The following PITPNM2 variants were observed in gnomAD, a reference collection of about 807,000 sequenced individuals.
The protein encoded by PITPNM2 is phosphatidylinositol transfer protein membrane associated 2.
A neutral mutation model predicts 132.2 loss-of-function variants in PITPNM2; 35 were observed. The observed-to-expected ratio is 0.26, with a 90% CI of 0.20 to 0.35. PITPNM2 has a LOEUF of 0.35. Among genes scored for constraint, PITPNM2 ranks in the 10% least tolerant of loss-of-function variants. The pLI, the probability that PITPNM2 is intolerant of heterozygous loss-of-function variation, is 1.00. For missense variants in PITPNM2, 1,332 were observed against 1,912.0 expected (o/e 0.70, Z 5.66); for synonymous variants, 738 against 799.2 (o/e 0.92, Z 1.29).
In PITPNM2 at chr12:123,000,715, C is replaced by A; in HGVS notation, c.1224+63G>T. On this transcript the variant is annotated intron_variant, in intron 10 of 25. Coordinates refer to ENST00000320201, the MANE Select transcript of PITPNM2 (RefSeq NM_020845.3). The surrounding 1 kb of genome is among the most constrained non-coding windows in gnomAD (Gnocchi z 5.4). ...CACCTCTGTAACCCCTCAGACTATT[C>A]CTCTGCACCCTGCCCCTCCCTTGGC... The A allele has an allele frequency of 6.5e-7, 1 of 1,550,074 alleles. No individual in the cohort carries two copies.
intron 1 of PITPNM2, among the ~76,000 whole-genome samples, chr12:123,112,625 G>T (rs538486770): frequency 6.7e-6 from 1 of 148,820 alleles, no homozygotes; most frequent in African/African-American, 2.5e-5. Flanking sequence ...TGCAAGCTCC[G>T]CCTCCCGGGT....
At chr12:123,052,592 T>A (rs1566268498) in intron 2 of PITPNM2, among the ~76,000 whole-genome samples, 1 of 152,162 alleles carries the variant, frequency 6.6e-6, no homozygotes, top group Non-Finnish European at 1.5e-5. Context: ...GCACTCCAGC[T>A]ACAGCGACAG....
chr12:123,134,979 G>A (rs1477442234), intron 1 of PITPNM2, among the ~76,000 whole-genome samples: 1 of 152,210 alleles, frequency 6.6e-6, no homozygotes, highest in Non-Finnish European at 1.5e-5. Flanking sequence ...AGAAAGCTCA[G>A]AAATTCAGCT....
At chr12:123,105,416 A>C (rs1469152551) in intron 2 of PITPNM2, 6 of 152,204 alleles carry the variant, frequency 3.9e-5, no homozygotes. Context: ...TGCTGAAATG[A>C]AGAGTCAAGC....
intron 1 of PITPNM2, among the ~76,000 whole-genome samples, chr12:123,144,099 T>A (rs1317507620): frequency 1.3e-5 from 2 of 152,184 alleles, no homozygotes; most frequent in South Asian, 2.1e-4. Context: ...TGGCAAAAAA[T>A]TTGAGTTGCC....
intron 2 of PITPNM2, among the ~76,000 whole-genome samples, chr12:123,074,482 ACAC>A (rs1359753809): frequency 1.3e-5 from 2 of 151,798 alleles, no homozygotes; most frequent in African/African-American, 4.8e-5. Flanking sequence ...ACAACATACC[ACAC>A]ATGCACATAT....
chr12:123,087,274 C>G (rs1593003837), intron 2 of PITPNM2: 1 of 151,768 alleles, frequency 6.6e-6, no homozygotes, highest in Non-Finnish European at 1.5e-5. Context: ...TTTGAAACAG[C>G]GTCTCACTCT....
intron 2 of PITPNM2, chr12:123,081,322 C>G (rs2041955971): frequency 6.6e-6 from 1 of 152,326 alleles, no homozygotes. Context: ...GGCCTCTCCT[C>G]TGCCCTGTTC....
At chr12:123,059,562 T>C (rs925227174) in intron 2 of PITPNM2, among the ~76,000 whole-genome samples, 4 of 152,234 alleles carry the variant, frequency 2.6e-5, no homozygotes, top group Non-Finnish European at 5.9e-5. Context: ...TTGACTGATT[T>C]GTTTTCATAT....
chr12:123,071,782 T>C (rs1414679019), intron 2 of PITPNM2, among the ~76,000 whole-genome samples: 2 of 152,060 alleles, frequency 1.3e-5, no homozygotes, highest in African/African-American at 2.4e-5. Flanking sequence ...TTCCACACAA[T>C]AGGAAACTGA....
In PITPNM2 at chr12:122,985,986, G is replaced by A; in HGVS notation, c.*41C>T. On this transcript the variant is annotated 3_prime_UTR_variant, in exon 26 of 26. Transcript: ENST00000320201. ...GCCTCCTGGCGGGGCTGGCCACCCT[G>A]GCCTAGCACCATGGAGACCCCGCGC... 1.5e-6 allele frequency: 2 copies of A among 1,365,462 alleles called. No individual in the cohort carries two copies. Among genetic ancestry groups the A allele is most frequent in the Non-Finnish European group, 1.9e-6 (2 of 1,065,842 alleles). The allele number at this position is 1,365,462 out of a possible 1,614,324, so 84.6% of individuals were successfully genotyped here.
At position 123,078,456 on chromosome 12, in the gene PITPNM2, C is replaced by T. The variant is rs1057250529; in HGVS notation, c.-96+31929G>A. Among the ~76,000 whole-genome samples, 4 of 152,210 alleles carry T rather than the reference C, an allele frequency of 2.6e-5. No individual in the cohort carries two copies. The highest frequency in any genetic ancestry group is 5.9e-5 in the Non-Finnish European group (4 of 68,032). On this transcript the variant is annotated intron_variant, in intron 2 of 25. Transcript: ENST00000320201. The surrounding 1 kb of genome is among the most constrained non-coding windows in gnomAD (Gnocchi z 7.3). Reference sequence around the variant, plus strand: ...CCAAGAGCCTGGGCCCTCCGTCTCACGCCACGATGCCCAGCCAGAGCCTGA... The same window carrying T: ...CCAAGAGCCTGGGCCCTCCGTCTCATGCCACGATGCCCAGCCAGAGCCTGA...
rs890617883 is a variant in PITPNM2, at chr12:123,000,596, G to A, written c.1224+182C>T. On this transcript the variant is annotated intron_variant, in intron 10 of 25. Coordinates refer to ENST00000320201, the MANE Select transcript of PITPNM2 (RefSeq NM_020845.3). This position sits in a 1 kb window ranked among gnomAD's most constrained non-coding sequence, Gnocchi z 5.4. ...ACCTCAGAGACAGAGGGCGACAGGC[G>A]CCTTCCTAGCAGGGCAGCAAAAAAG... The A allele has an allele frequency of 9.5e-5, 66 of 693,362 alleles. No individual in the cohort carries two copies. Among genetic ancestry groups the A allele is most frequent in the Non-Finnish European group, 1.5e-4 (60 of 400,860 alleles). The allele number at this position is 693,362 out of a possible 1,614,324, so 43.0% of individuals were successfully genotyped here.
intron 2 of PITPNM2, among the ~76,000 whole-genome samples, chr12:123,074,425 C>A (rs1477661360): frequency 6.6e-6 from 1 of 152,088 alleles, no homozygotes; most frequent in African/African-American, 2.4e-5. Context: ...CATAGGCACA[C>A]ACAGGCACAT....
At chr12:123,126,573 TAAAGAA>T (rs1460976283) in intron 1 of PITPNM2, among the ~76,000 whole-genome samples, 1 of 151,440 alleles carries the variant, frequency 6.6e-6, no homozygotes, top group African/African-American at 2.4e-5. Context: ...ACTGAGTGAG[TAAAGAA>T]AAAGAACTAG....
intron 2 of PITPNM2, among the ~76,000 whole-genome samples, chr12:123,053,171 C>T (rs781065722): frequency 4.6e-5 from 7 of 151,976 alleles, no homozygotes; most frequent in Admixed American, 2.6e-4. Context: ...AGGTGTAAGC[C>T]ACCTTGCCTG....
chr12:123,149,057 T>C (rs1186899091), intron 1 of PITPNM2, among the ~76,000 whole-genome samples: 1 of 152,122 alleles, frequency 6.6e-6, no homozygotes, highest in East Asian at 1.9e-4. Context: ...CCAGGGGGCC[T>C]TAGATACGCA....
At chr12:123,110,821 T>C (rs769615996) in intron 1 of PITPNM2, among the ~76,000 whole-genome samples, 3 of 152,140 alleles carry the variant, frequency 2.0e-5, no homozygotes, top group Non-Finnish European at 4.4e-5. Context: ...CAAACCTTGA[T>C]TTTTCACTCA....
chr12:122,988,694 C>A, intron 19 of PITPNM2, 30 bp downstream of exon 19: 1 of 1,540,756 alleles, frequency 6.5e-7, no homozygotes, highest in South Asian at 1.2e-5. Flanking sequence ...TCACTCAGGG[C>A]CCTCCTGGGA....
Sources: allele counts gnomAD v4.1 joint callset (sites outside exome capture counted in the v4.1 genomes callset), GRCh38; gene constraint gnomAD v4.1.1; non-coding constraint Gnocchi (gnomAD v3.1); transcripts MANE v1.5; gene names NCBI Gene and HGNC (gene_info 2026-07-23, HGNC 2026-07-21).